The following DEGS2 variants were observed in gnomAD, a reference collection of about 807,000 sequenced individuals.
DEGS2 encodes sphingolipid delta(4)-desaturase/C4-monooxygenase DES2.
Under a neutral mutation model 23.8 loss-of-function variants are expected in DEGS2, and 19 were observed. The observed-to-expected ratio is 0.80, with a 90% CI of 0.56 to 1.17. The LOEUF (loss-of-function observed/expected upper bound fraction) is 1.17, where lower values mean the gene tolerates loss of function less well. Among genes scored for constraint, DEGS2 ranks in the 50% most tolerant of loss-of-function variants. DEGS2 has a pLI of 0.00. For synonymous variants in DEGS2, 218 were observed against 213.7 expected (o/e 1.02, Z -0.18); for missense variants, 390 against 459.5 (o/e 0.85, Z 1.38).
the DEGS2 span, among the ~76,000 whole-genome samples, chr14:100,165,461 C>T: frequency 5.3e-5 from 8 of 152,254 alleles, no homozygotes; most frequent in African/African-American, 1.7e-4. Flanking sequence ...ATCTTTTCAA[C>T]GGCAACATCC....
chr14:100,159,358 G>A (rs1889711313), intron 1 of DEGS2, 148 bp downstream of exon 1: 1 of 596,498 alleles, frequency 1.7e-6, no homozygotes, highest in Non-Finnish European at 2.7e-6. Context: ...GCCGGCCGGG[G>A]ACCCCAGGGA....
intron 1 of DEGS2, among the ~76,000 whole-genome samples, chr14:100,155,331 T>C (rs1889640914): frequency 6.6e-6 from 1 of 152,040 alleles, no homozygotes; most frequent in South Asian, 2.1e-4. Context: ...ATCCCCTCCT[T>C]CCTAAACTTC....
intron 1 of DEGS2, 96 bp from the exon 2 acceptor site, chr14:100,149,806 G>C: frequency 7.5e-7 from 1 of 1,326,986 alleles, no homozygotes; most frequent in Non-Finnish European, 1.0e-6. Context: ...TGAGAAGGTG[G>C]GAGTGGCCAG....
rs7141432 is a variant in DEGS2 at position 100,144,354 on chromosome 14, G to A, written c.*2407C>T. 1,762 of 152,598 alleles carry A rather than the reference G, an allele frequency of 0.012. 36 individuals are homozygous for A. The highest frequency in any genetic ancestry group is 0.04 in the African/African-American group (1,663 of 41,568). The allele number at this position is 152,598 out of a possible 1,614,324, so 9.5% of individuals were successfully genotyped here. A position where few individuals can be genotyped will look rare whatever the true frequency, so the allele number is the denominator to read the frequency against. ...TCGTAGGAGCAAGATGGCGGTCTTCGACAGGAAGCTGGGCTCAGAACATTC... is the reference window on the plus strand; with the variant it reads ...TCGTAGGAGCAAGATGGCGGTCTTCAACAGGAAGCTGGGCTCAGAACATTC... On this transcript the variant is annotated 3_prime_UTR_variant, in exon 3 of 3. Transcript: ENST00000305631.
chr14:100,152,502 C>T (rs893317268), intron 1 of DEGS2, among the ~76,000 whole-genome samples: 4 of 152,132 alleles, frequency 2.6e-5, no homozygotes, highest in African/African-American at 9.7e-5. Context: ...GCTAGGGCCC[C>T]GATAGAACAA....
intron 1 of DEGS2, among the ~76,000 whole-genome samples, chr14:100,153,676 G>A (rs35257667): frequency 0.28 from 42,613 of 152,216 alleles, 6,424 homozygotes; most frequent in South Asian, 0.42. Flanking sequence ...GATGGCAGGA[G>A]TAGCTGGGAG....
chr14:100,152,269 G>A (rs893286239), intron 1 of DEGS2, among the ~76,000 whole-genome samples: 3 of 149,922 alleles, frequency 2.0e-5, no homozygotes, highest in African/African-American at 7.6e-5. Context: ...ATGCCAGGGT[G>A]GGCGTCATGG....
upstream of DEGS2, among the ~76,000 whole-genome samples, chr14:100,162,893 C>T (rs1008211575): frequency 8.5e-5 from 13 of 152,244 alleles, no homozygotes; most frequent in African/African-American, 2.2e-4. Flanking sequence ...TCCACTGCCT[C>T]GTGTTTGCAG....
chr14:100,154,998 C>T (rs1293759669), intron 1 of DEGS2, among the ~76,000 whole-genome samples: 1 of 152,212 alleles, frequency 6.6e-6, no homozygotes, highest in Non-Finnish European at 1.5e-5. Context: ...CCCCAGTGAG[C>T]CCCCAAGCCC....
At chr14:100,157,343 A>G (rs1356647404) in intron 1 of DEGS2, among the ~76,000 whole-genome samples, 2 of 152,198 alleles carry the variant, frequency 1.3e-5, no homozygotes, top group Non-Finnish European at 2.9e-5. Context: ...CCTTTTCCAC[A>G]TGGTGCCAGA....
At chr14:100,160,772 A>T (rs999098524), upstream of DEGS2, among the ~76,000 whole-genome samples, 1 of 152,196 alleles carries the variant, frequency 6.6e-6, no homozygotes, top group African/African-American at 2.4e-5. Context: ...GGCCAAAGGC[A>T]GTCCTGAGTG....
intron 2 of DEGS2, among the ~76,000 whole-genome samples, chr14:100,148,616 G>A (rs564071475): frequency 2.2e-4 from 34 of 152,370 alleles, no homozygotes; most frequent in African/African-American, 7.2e-4. Context: ...CAAGGAATGA[G>A]CAGGGAAAGA....
At position 100,146,665 on chromosome 14, in the gene DEGS2, C is replaced by A. The variant is rs1784010387; in HGVS notation, c.*96G>T. The A allele has an allele frequency of 6.5e-7, 1 of 1,528,298 alleles. No individual in the cohort carries two copies. The highest frequency in any genetic ancestry group is 1.3e-5 in the South Asian group (1 of 79,712). The allele number at this position is 1,528,298 out of a possible 1,614,324, so 94.7% of individuals were successfully genotyped here. ...ACTCCTCGGGGACAAGGGCAGCAGT[C>A]CAGAGCACAGGAAGGAAATGTAGCT... On this transcript the variant is annotated 3_prime_UTR_variant, in exon 3 of 3. Transcript: ENST00000305631.
intron 1 of DEGS2, among the ~76,000 whole-genome samples, chr14:100,157,682 C>T (rs796230901): frequency 7.2e-5 from 11 of 152,300 alleles, no homozygotes; most frequent in African/African-American, 2.6e-4. Context: ...TCCTGAGGCC[C>T]CAGTTACCCC....
At chr14:100,156,648 AAGAGCCC>A (rs1230023222) in intron 1 of DEGS2, among the ~76,000 whole-genome samples, 3 of 152,174 alleles carry the variant, frequency 2.0e-5, no homozygotes, top group South Asian at 2.1e-4. Context: ...CTGTGCCCCA[AAGAGCCC>A]AGAGCCCAGA....
intron 2 of DEGS2, among the ~76,000 whole-genome samples, chr14:100,147,437 C>T (rs567470150): frequency 2.6e-5 from 4 of 152,304 alleles, no homozygotes; most frequent in Non-Finnish European, 4.4e-5. Flanking sequence ...CCCTGTGATC[C>T]GCCAACCTTG....
intron 2 of DEGS2, 80 bp from the exon 3 acceptor site, chr14:100,146,987 C>T: frequency 6.6e-7 from 1 of 1,516,832 alleles, no homozygotes; most frequent in Non-Finnish European, 8.9e-7. Flanking sequence ...CACCTGAGCA[C>T]ACGCGGTGGG....
upstream of DEGS2, among the ~76,000 whole-genome samples, chr14:100,160,367 T>C (rs557527204): frequency 8.5e-5 from 13 of 152,210 alleles, no homozygotes; most frequent in South Asian, 1.5e-3. Flanking sequence ...AACTTTTGCA[T>C]TGGGCCTTGA....
chr14:100,147,055 A>C, intron 2 of DEGS2, 148 bp from the exon 3 acceptor site: 2 of 871,064 alleles, frequency 2.3e-6, no homozygotes, highest in South Asian at 1.7e-5. Context: ...CCACACACAC[A>C]CATGGGTGTA....
Sources: gnomAD v4.1 joint callset for allele counts (sites outside exome capture counted in the v4.1 genomes callset) on GRCh38, gnomAD v4.1.1 for gene constraint, MANE v1.5 for transcripts, NCBI Gene and HGNC (gene_info 2026-07-23, HGNC 2026-07-21) for gene names.